Variants in SEMA6D observed in about 807,000 individuals in gnomAD.
SEMA6D encodes semaphorin 6D.
SEMA6D carries 35 observed loss-of-function variants against 106.6 expected under a neutral mutation model. The ratio of observed to expected loss-of-function variants is 0.33; its 90% CI spans 0.25 to 0.44. SEMA6D has a LOEUF of 0.44. Ranked by LOEUF, SEMA6D falls within the 20% of genes least tolerant of loss-of-function variation. SEMA6D has a pLI of 1.00. For missense variants in SEMA6D, 1,185 were observed against 1,345.9 expected (o/e 0.88, Z 1.87); for synonymous variants, 499 against 487.7 (o/e 1.02, Z -0.31).
intron 1 of SEMA6D, among the ~76,000 whole-genome samples, chr15:47,255,118 G>A (rs2033734074): frequency 6.6e-6 from 1 of 152,010 alleles, no homozygotes; most frequent in Admixed American, 6.6e-5. Flanking sequence ...CTTCAATCTT[G>A]TCACTTGTTA....
chr15:47,523,920 A>G (rs911201838), intron 3 of SEMA6D, among the ~76,000 whole-genome samples: 4 of 152,166 alleles, frequency 2.6e-5, no homozygotes, highest in African/African-American at 7.2e-5. Context: ...AGAGCTGACT[A>G]TTTCTGGAAG....
At chr15:47,528,115 G>A (rs560680920) in intron 3 of SEMA6D, among the ~76,000 whole-genome samples, 2 of 152,306 alleles carry the variant, frequency 1.3e-5, no homozygotes, top group African/African-American at 4.8e-5. Flanking sequence ...CCTGGTTGAT[G>A]TAATCCTGAG....
intron 3 of SEMA6D, among the ~76,000 whole-genome samples, chr15:47,523,878 G>C (rs1473356211): frequency 1.3e-5 from 2 of 152,190 alleles, no homozygotes; most frequent in Admixed American, 1.3e-4. Flanking sequence ...ACATCATTAT[G>C]TGGTAACTCA....
intron 1 of SEMA6D, chr15:47,395,505 G>A (rs559431802): frequency 1.3e-5 from 2 of 152,088 alleles, no homozygotes; most frequent in Non-Finnish European, 2.9e-5. Context: ...ATTATTGAGT[G>A]GTGTAAATAT....
chr15:47,730,611 T>G (rs2080056657), intron 1 of SEMA6D: 1 of 1,570,134 alleles, frequency 6.4e-7, no homozygotes, highest in South Asian at 1.1e-5. Context: ...AGTCTCTGCT[T>G]CTTCTCTTGC....
At chr15:47,556,344 T>C (rs2045915405) in intron 3 of SEMA6D, among the ~76,000 whole-genome samples, 1 of 152,146 alleles carries the variant, frequency 6.6e-6, no homozygotes, top group Admixed American at 6.5e-5. Context: ...GGATAAAATT[T>C]TGTTCTCTGC....
chr15:47,289,894 G>C (rs2035527896), intron 1 of SEMA6D, among the ~76,000 whole-genome samples: 1 of 151,628 alleles, frequency 6.6e-6, no homozygotes, highest in South Asian at 2.1e-4. Flanking sequence ...TGATGCTTGA[G>C]GGGTGGGGAG....
chr15:47,402,724 A>C (rs952450135), intron 1 of SEMA6D, among the ~76,000 whole-genome samples: 2 of 146,894 alleles, frequency 1.4e-5, no homozygotes, highest in African/African-American at 5.0e-5. Flanking sequence ...TCCCCATCCT[A>C]AGTAACTTCT....
intron 1 of SEMA6D, among the ~76,000 whole-genome samples, chr15:47,338,797 G>T (rs1308776678): frequency 1.3e-5 from 2 of 152,048 alleles, no homozygotes; most frequent in African/African-American, 4.8e-5. Flanking sequence ...GGCACTTTAG[G>T]CCTTAGGAAT....
At chr15:47,604,304 G>A (rs1360159362) in intron 4 of SEMA6D, 2 of 152,118 alleles carry the variant, frequency 1.3e-5, no homozygotes, top group Non-Finnish European at 2.9e-5. Context: ...TGCTTAACAC[G>A]TAATTGTTAT....
intron 1 of SEMA6D, among the ~76,000 whole-genome samples, chr15:47,234,406 A>G (rs1214613900): frequency 6.6e-6 from 1 of 152,012 alleles, no homozygotes; most frequent in African/African-American, 2.4e-5. Context: ...GATGAACTGT[A>G]TAGTGTTGAA....
At chr15:47,358,500 T>C (rs2038678882) in intron 1 of SEMA6D, among the ~76,000 whole-genome samples, 1 of 152,230 alleles carries the variant, frequency 6.6e-6, no homozygotes, top group Non-Finnish European at 1.5e-5. Context: ...ATCATGGTCT[T>C]TTGGGGAAGA....
chr15:47,403,189 G>A (rs2040454240), intron 1 of SEMA6D, among the ~76,000 whole-genome samples: 1 of 152,090 alleles, frequency 6.6e-6, no homozygotes, highest in African/African-American at 2.4e-5. Context: ...TGTGTTGGCT[G>A]GAGGGCTTAC....
chr15:47,252,036 C>T (rs943152092), intron 1 of SEMA6D, among the ~76,000 whole-genome samples: 2 of 148,210 alleles, frequency 1.3e-5, no homozygotes, highest in Non-Finnish European at 3.0e-5. Flanking sequence ...CTGCCTCAGC[C>T]TCCCGAGTAG....
At chr15:47,754,011 C>G (rs1204923861) in intron 1 of SEMA6D, among the ~76,000 whole-genome samples, 1 of 152,172 alleles carries the variant, frequency 6.6e-6, no homozygotes, top group Non-Finnish European at 1.5e-5. Flanking sequence ...TTTGAACTAT[C>G]TAGTTTTCAG....
chr15:47,702,915 TATAATAC>T (rs1158193085), intron 4 of SEMA6D, among the ~76,000 whole-genome samples: 2 of 152,126 alleles, frequency 1.3e-5, no homozygotes, highest in Non-Finnish European at 2.9e-5. Context: ...AACTGCTCTG[TATAATAC>T]CATAATAGTG....
At chr15:47,396,136 G>C (rs750678906) in intron 1 of SEMA6D, among the ~76,000 whole-genome samples, 48 of 152,164 alleles carry the variant, frequency 3.2e-4, no homozygotes, top group Non-Finnish European at 6.0e-4. Context: ...ACCAAAACCC[G>C]ACCGTGCTGG....
At chr15:47,282,521 A>G (rs1454775573) in intron 1 of SEMA6D, among the ~76,000 whole-genome samples, 1 of 152,054 alleles carries the variant, frequency 6.6e-6, no homozygotes, top group Non-Finnish European at 1.5e-5. Flanking sequence ...TGCTACAAAC[A>G]CTCTTATAAG....
chr15:47,655,837 A>C (rs1174647368), intron 4 of SEMA6D, among the ~76,000 whole-genome samples: 1 of 152,264 alleles, frequency 6.6e-6, no homozygotes, highest in Non-Finnish European at 1.5e-5. Context: ...ATATATTTAT[A>C]ATTTCAAAAT....
Sources: gnomAD v4.1 joint callset for allele counts (sites outside exome capture counted in the v4.1 genomes callset) on GRCh38, gnomAD v4.1.1 for gene constraint, MANE v1.5 for transcripts, NCBI Gene and HGNC (gene_info 2026-07-23, HGNC 2026-07-21) for gene names.